The following TBC1D32 variants were observed in gnomAD, a reference collection of about 807,000 sequenced individuals.
TBC1D32 encodes TBC1 domain family member 32, also known as protein broad-minded.
Under a neutral mutation model 170.3 loss-of-function variants are expected in TBC1D32, and 151 were observed. The observed-to-expected ratio is 0.89, with a 90% CI of 0.78 to 1.01. TBC1D32 has a LOEUF of 1.01. Among genes scored for constraint, TBC1D32 ranks in the 50% least tolerant of loss-of-function variants. TBC1D32 has a pLI of 0.00. For synonymous variants in TBC1D32, 498 were observed against 488.0 expected, an observed-to-expected ratio of 1.02 and a Z score of -0.27; for missense variants, 1,464 against 1,457.1, an observed-to-expected ratio of 1.00 and a Z score of -0.08.
chr6:121,177,276 G>A (rs1787899538), intron 22 of TBC1D32, among the ~76,000 whole-genome samples: 2 of 152,216 alleles, frequency 1.3e-5, no homozygotes, highest in East Asian at 3.9e-4. Context: ...TCATGATAGT[G>A]AGCGAGTTTC....
chr6:121,323,767 C>T (rs903065709), intron 1 of TBC1D32, among the ~76,000 whole-genome samples: 2 of 152,108 alleles, frequency 1.3e-5, no homozygotes, highest in African/African-American at 4.8e-5. Context: ...TGGTGAAATC[C>T]CATTTCTACC....
intron 22 of TBC1D32, among the ~76,000 whole-genome samples, chr6:121,175,458 T>C (rs1473364256): frequency 1.3e-5 from 2 of 152,216 alleles, no homozygotes; most frequent in Non-Finnish European, 1.5e-5. Context: ...TTAGCAAATT[T>C]AATCCAGCAG....
intron 24 of TBC1D32, among the ~76,000 whole-genome samples, chr6:121,136,339 G>A (rs1403273968): frequency 1.3e-5 from 2 of 152,146 alleles, no homozygotes; most frequent in Admixed American, 1.3e-4. Context: ...AATTCTATTT[G>A]TATGAAATGC....
chr6:121,097,442 A>C (rs184746377), intron 30 of TBC1D32, among the ~76,000 whole-genome samples: 14 of 152,336 alleles, frequency 9.2e-5, no homozygotes, highest in African/African-American at 2.4e-4. Flanking sequence ...ATATGAAAAA[A>C]AGTTCATTAT....
chr6:121,283,972 T>TACATTGGTCCTGAAG, intron 12 of TBC1D32, 62 bp from the exon 13 acceptor site: 1 of 1,209,464 alleles, frequency 8.3e-7, no homozygotes. Flanking sequence ...TAAGAGAAAT[T>TACATTGGTCCTGAAG]TAACTGAGCT....
intron 12 of TBC1D32, among the ~76,000 whole-genome samples, chr6:121,284,497 C>T (rs554478113): frequency 2.2e-4 from 33 of 152,244 alleles, no homozygotes; most frequent in African/African-American, 6.7e-4. Flanking sequence ...TCACAAAACA[C>T]CCTTTTCTGA....
At chr6:121,184,970 T>A (rs931400240) in intron 22 of TBC1D32, among the ~76,000 whole-genome samples, 1 of 151,964 alleles carries the variant, frequency 6.6e-6, no homozygotes, top group African/African-American at 2.4e-5. Context: ...CAAGTCAAAA[T>A]TATTCCCTCA....
chr6:121,113,650 C>A (rs1763177943), intron 27 of TBC1D32, among the ~76,000 whole-genome samples: 1 of 152,122 alleles, frequency 6.6e-6, no homozygotes, highest in Admixed American at 6.6e-5. Flanking sequence ...GGTGATTAGA[C>A]ATGGGACAGT....
intron 30 of TBC1D32, among the ~76,000 whole-genome samples, chr6:121,094,286 GC>G (rs1777147494): frequency 6.6e-6 from 1 of 151,868 alleles, no homozygotes; most frequent in South Asian, 2.1e-4. Flanking sequence ...TCATGCCTCA[GC>G]CTCTTGAGTA....
chr6:121,309,128 G>A (rs1246889597), intron 4 of TBC1D32, among the ~76,000 whole-genome samples: 2 of 152,106 alleles, frequency 1.3e-5, no homozygotes, highest in Admixed American at 1.3e-4. Context: ...TCATATGAAA[G>A]AACTCCTCAA....
At chr6:121,109,028 G>A (rs750349411) in intron 29 of TBC1D32, among the ~76,000 whole-genome samples, 1 of 151,944 alleles carries the variant, frequency 6.6e-6, no homozygotes, top group African/African-American at 2.4e-5. Flanking sequence ...AAACTGAATC[G>A]GCAAATATGA....
chr6:121,117,052 TG>T (rs1779754880), intron 26 of TBC1D32, among the ~76,000 whole-genome samples: 1 of 152,220 alleles, frequency 6.6e-6, no homozygotes, highest in African/African-American at 2.4e-5. Flanking sequence ...TCCAGTCATT[TG>T]TATTTTTAAA....
chr6:121,231,223 T>G (rs1795692953), intron 20 of TBC1D32, among the ~76,000 whole-genome samples: 1 of 152,018 alleles, frequency 6.6e-6, no homozygotes, highest in African/African-American at 2.4e-5. Flanking sequence ...TCCCCCACCT[T>G]ATGTTTTTGT....
intron 22 of TBC1D32, among the ~76,000 whole-genome samples, chr6:121,179,284 T>C (rs562507400): frequency 1.3e-5 from 2 of 150,606 alleles, no homozygotes; most frequent in African/African-American, 4.9e-5. Context: ...AACATATATA[T>C]ATATGTATAG....
intron 28 of TBC1D32, 83 bp downstream of exon 28, chr6:121,112,979 A>G: frequency 2.1e-6 from 2 of 971,266 alleles, no homozygotes; most frequent in East Asian, 4.9e-5. Flanking sequence ...CTTTACTATA[A>G]ATGTGTCAAG....
At chr6:121,210,907 C>G (rs1223235944) in intron 21 of TBC1D32, among the ~76,000 whole-genome samples, 8 of 152,184 alleles carry the variant, frequency 5.3e-5, no homozygotes, top group Admixed American at 5.2e-4. Flanking sequence ...CCATACTGAA[C>G]TTCTGACCTA....
Position 121,309,680 on chromosome 6 carries a change from G to A in TBC1D32, c.564+1099C>T, listed in dbSNP as rs189224497. Among the ~76,000 whole-genome samples the A allele has an allele frequency of 1.7e-3, 252 of 152,044 alleles. 3 individuals carry two copies. Among genetic ancestry groups the A allele is most frequent in the African/African-American group, 5.7e-3 (236 of 41,472 alleles). On this transcript the variant is annotated intron_variant, in intron 4 of 31. Transcript: ENST00000398212. The stretch of plus-strand genomic sequence containing the variant: ...AATGAAATAATTCTTCATAAACAGT[G>A]ATTTGTACAATCTCTTAAAATATAA...
rs990601044 is a variant in TBC1D32 at position 121,199,197 on chromosome 6, A to T, written c.2570+5878T>A. Among the ~76,000 whole-genome samples the T allele has an allele frequency of 4.6e-5, 7 of 151,550 alleles. No individual in the cohort carries two copies. In the South Asian group the frequency reaches 1.4e-3, roughly 31 times the overall value. On this transcript the variant is annotated intron_variant, in intron 22 of 31. Coordinates refer to ENST00000398212, the MANE Select transcript of TBC1D32 (RefSeq NM_152730.6). ...GAGCAACAATTATAAACATCAAGAT[A>T]TTTATCCATAGATATTTAAAAATAA...
At chr6:121,101,886 A>G (rs1490160561) in intron 30 of TBC1D32, among the ~76,000 whole-genome samples, 6 of 152,210 alleles carry the variant, frequency 3.9e-5, no homozygotes, top group African/African-American at 1.4e-4. Context: ...CAACTTCAGC[A>G]AAGTCTCAGG....
Sources: allele counts gnomAD v4.1 joint callset (sites outside exome capture counted in the v4.1 genomes callset), GRCh38; gene constraint gnomAD v4.1.1; transcripts MANE v1.5; gene names NCBI Gene and HGNC (gene_info 2026-07-23, HGNC 2026-07-21).